Variants in MET observed in about 807,000 individuals in gnomAD.
MET encodes hepatocyte growth factor receptor.
MET carries 48 observed loss-of-function variants against 133.1 expected under a neutral mutation model. The ratio of observed to expected loss-of-function variants is 0.36; its 90% CI spans 0.29 to 0.46. The LOEUF (loss-of-function observed/expected upper bound fraction) is 0.46. Among genes scored for constraint, MET ranks in the 20% least tolerant of loss-of-function variants. The pLI, the probability that MET is intolerant of heterozygous loss-of-function variation, is 1.00. For synonymous variants in MET, 628 were observed against 616.5 expected, an observed-to-expected ratio of 1.02 and a Z score of -0.28; for missense variants, 1,442 against 1,695.9, an observed-to-expected ratio of 0.85 and a Z score of 2.63.
At chr7:116,688,230 C>T (rs75841034) in intron 1 of MET, among the ~76,000 whole-genome samples, 1 of 145,554 alleles carries the variant, frequency 6.9e-6, no homozygotes, top group African/African-American at 2.5e-5. Flanking sequence ...TTGATTGCCT[C>T]TTTTTTTTTT....
intron 2 of MET, among the ~76,000 whole-genome samples, chr7:116,719,471 T>G (rs901261630): frequency 3.3e-5 from 5 of 152,360 alleles, no homozygotes; most frequent in African/African-American, 1.2e-4. Flanking sequence ...TTTCTTTTGC[T>G]GTGCAGAAGC....
intron 2 of MET, among the ~76,000 whole-genome samples, chr7:116,713,486 A>G (rs2116668224): frequency 6.6e-6 from 1 of 152,196 alleles, no homozygotes; most frequent in South Asian, 2.1e-4. Flanking sequence ...CCCAGTGGCA[A>G]CATTCAAAGG....
chr7:116,676,857 C>A (rs1796175934), intron 1 of MET, among the ~76,000 whole-genome samples: 1 of 152,068 alleles, frequency 6.6e-6, no homozygotes. Flanking sequence ...GAATAGTGCC[C>A]CTGTTTTTGT....
At chr7:116,682,117 T>C (rs1796382359) in intron 1 of MET, among the ~76,000 whole-genome samples, 1 of 152,230 alleles carries the variant, frequency 6.6e-6, no homozygotes, top group Non-Finnish European at 1.5e-5. Flanking sequence ...AAACATTCTT[T>C]TGGTCTTCAA....
At chr7:116,747,643 AC>A (rs1005806983) in intron 5 of MET, among the ~76,000 whole-genome samples, 2 of 152,206 alleles carry the variant, frequency 1.3e-5, no homozygotes, top group African/African-American at 4.8e-5. Flanking sequence ...TTAGAGACCT[AC>A]AAGGAGACTT....
chr7:116,744,534 A>G (rs925606318), intron 5 of MET, among the ~76,000 whole-genome samples: 1 of 152,230 alleles, frequency 6.6e-6, no homozygotes, highest in Non-Finnish European at 1.5e-5. Context: ...GAAATATGCG[A>G]CTATGTGAAA....
At chr7:116,738,486 G>T (rs1203250277) in intron 3 of MET, among the ~76,000 whole-genome samples, 1 of 152,178 alleles carries the variant, frequency 6.6e-6, no homozygotes, top group African/African-American at 2.4e-5. Context: ...AATAACAATA[G>T]TTTCCAACCT....
intron 19 of MET, among the ~76,000 whole-genome samples, chr7:116,784,516 C>T (rs1325054995): frequency 6.6e-6 from 1 of 152,176 alleles, no homozygotes. Context: ...TAGGAGCAGG[C>T]ATTTTACATG....
At chr7:116,739,457 CT>C (rs764479450) in intron 3 of MET, among the ~76,000 whole-genome samples, 2 of 152,186 alleles carry the variant, frequency 1.3e-5, no homozygotes, top group Non-Finnish European at 2.9e-5. Flanking sequence ...CTGAAAAGAT[CT>C]ATAAATGTGG....
intron 2 of MET, among the ~76,000 whole-genome samples, chr7:116,718,467 GACAT>G (rs1218359091): frequency 6.6e-6 from 1 of 151,574 alleles, no homozygotes; most frequent in Non-Finnish European, 1.5e-5. Context: ...GTTTCTCAGA[GACAT>G]ACGATTATTT....
chr7:116,763,355 C>A (rs1384366777), intron 11 of MET, 87 bp downstream of exon 11: 3 of 1,208,224 alleles, frequency 2.5e-6, no homozygotes, highest in Non-Finnish European at 3.6e-6. Flanking sequence ...TTGTACTTGG[C>A]CATTGTATCT....
intron 3 of MET, among the ~76,000 whole-genome samples, chr7:116,734,010 C>G (rs1793119494): frequency 6.6e-6 from 1 of 152,122 alleles, no homozygotes; most frequent in South Asian, 2.1e-4. Context: ...TCACTGAAGT[C>G]CATATATTTA....
At chr7:116,775,550 A>G (rs2074658451) in intron 15 of MET, among the ~76,000 whole-genome samples, 1 of 152,108 alleles carries the variant, frequency 6.6e-6, no homozygotes, top group African/African-American at 2.4e-5. Flanking sequence ...CTAAAAAAAT[A>G]CAAAAATTAG....
chr7:116,794,685 T>G (rs1795616368), intron 19 of MET, among the ~76,000 whole-genome samples: 1 of 152,220 alleles, frequency 6.6e-6, no homozygotes, highest in Non-Finnish European at 1.5e-5. Context: ...GCTTCCTTCA[T>G]TTCTTCCTCC....
chr7:116,753,173 G>C lies in MET; in HGVS notation c.1702-2182G>C, dbSNP rs149242670. Among the ~76,000 whole-genome samples the C allele has an allele frequency of 4.4e-3, 668 of 152,254 alleles. 5 individuals are homozygous for C. The highest frequency in any genetic ancestry group is 0.015 in the African/African-American group (621 of 41,542). ...ACTTTGGTTTGCAATTATTTACTTA[G>C]GAAGGATGGAAATGTTTGCAAGTTT... On this transcript the variant is annotated intron_variant, in intron 5 of 20. Coordinates refer to ENST00000397752, the MANE Select transcript of MET (RefSeq NM_000245.4).
chr7:116,698,599 G>A (rs947504808), intron 1 of MET, among the ~76,000 whole-genome samples: 14 of 152,114 alleles, frequency 9.2e-5, no homozygotes, highest in African/African-American at 1.7e-4. Context: ...TTCTACATGC[G>A]CTCAAGAAAA....
chr7:116,746,114 G>T (rs1390845450), intron 5 of MET, among the ~76,000 whole-genome samples: 1 of 152,166 alleles, frequency 6.6e-6, no homozygotes, highest in Non-Finnish European at 1.5e-5. Flanking sequence ...CAACAAGTAG[G>T]CAAAGGATAT....
chr7:116,747,643 A>G (rs1562914685), intron 5 of MET, among the ~76,000 whole-genome samples: 1 of 152,204 alleles, frequency 6.6e-6, no homozygotes, highest in Admixed American at 6.5e-5. Flanking sequence ...TTAGAGACCT[A>G]CAAGGAGACT....
At chr7:116,777,309 A>T in intron 15 of MET, 80 bp from the exon 16 acceptor site, 3 of 1,156,862 alleles carry the variant, frequency 2.6e-6, no homozygotes, top group Non-Finnish European at 3.9e-6. Flanking sequence ...GAATAAAATG[A>T]AGCTCATAAA....
Sources: allele counts gnomAD v4.1 joint callset (sites outside exome capture counted in the v4.1 genomes callset), GRCh38; gene constraint gnomAD v4.1.1; transcripts MANE v1.5; gene names NCBI Gene and HGNC (gene_info 2026-07-23, HGNC 2026-07-21).